Variants in ERC1 observed in about 807,000 individuals in gnomAD.
ERC1 encodes the protein RAB6 interacting protein 2.
ERC1 carries 56 observed loss-of-function variants against 132.0 expected under a neutral mutation model. The ratio of observed to expected loss-of-function variants is 0.42; its 90% confidence interval spans 0.34 to 0.53. The LOEUF (loss-of-function observed/expected upper bound fraction) is 0.53. ERC1 is among the 20% of genes least tolerant of loss of function. ERC1 has a pLI of 0.03. For synonymous variants in ERC1, 478 were observed against 476.1 expected, an observed-to-expected ratio of 1.00 and a Z score of -0.05; for missense variants, 1,202 against 1,349.9, an observed-to-expected ratio of 0.89 and a Z score of 1.72.
At position 1,141,640 on chromosome 12, in the gene ERC1, T is replaced by A. The variant is rs1949874774; in HGVS notation, c.1590T>A (p.Arg530=). The change falls in exon 8 of 19, where the codon CGT becomes CGA. Residue 530 remains arginine, a synonymous_variant. Coordinates refer to ENST00000360905, the MANE Select transcript of ERC1 (RefSeq NM_178040.4). ...CTTAGGTGGATGCTCTCCGATTGCG[T>A]TTGGAAGAGAAGGAAACCATGTTGA... ...LQTEVDALRL[R]LEEKETMLNK... is the part of the protein sequence containing the mutation. 9 of 1,611,144 alleles carry A rather than the reference T, an allele frequency of 5.6e-6. No individual in the cohort carries two copies. The highest frequency in any genetic ancestry group is 6.8e-6 in the Non-Finnish European group (8 of 1,178,524).
intron 18 of ERC1, among the ~76,000 whole-genome samples, chr12:1,480,246 A>G (rs1164840362): frequency 6.6e-6 from 1 of 152,170 alleles, no homozygotes. Context: ...ATGGGAGCAA[A>G]CTTGTTTTGC....
chr12:992,538 C>G (rs752161684), intron 1 of ERC1, among the ~76,000 whole-genome samples: 15 of 151,248 alleles, frequency 9.9e-5, no homozygotes, highest in Non-Finnish European at 2.1e-4. Context: ...AAATGGAACT[C>G]TTTTTTTTTG....
chr12:1,316,656 A>G (rs1310865387), intron 15 of ERC1, among the ~76,000 whole-genome samples: 1 of 152,190 alleles, frequency 6.6e-6, no homozygotes, highest in Non-Finnish European at 1.5e-5. Context: ...TAGTTCAACC[A>G]TTGTGGAAGA....
chr12:1,054,101 G>C (rs118080732), intron 2 of ERC1, among the ~76,000 whole-genome samples: 1 of 152,164 alleles, frequency 6.6e-6, no homozygotes, highest in Non-Finnish European at 1.5e-5. Flanking sequence ...TTTATAACTG[G>C]ATTTCCTATA....
At chr12:1,119,494 GTTACT>G (rs1467235236) in intron 7 of ERC1, among the ~76,000 whole-genome samples, 1 of 151,346 alleles carries the variant, frequency 6.6e-6, no homozygotes, top group East Asian at 1.9e-4. Flanking sequence ...CCTTAGAGGA[GTTACT>G]TTACTTCTTC....
At position 1,493,548 on chromosome 12, in the gene ERC1, A is replaced by ATATATATATATATATACATATAT. The variant is rs1555139791; in HGVS notation, c.*3318_*3319insTATATATATATATATACATATAT. 2.2e-4 allele frequency: 3 copies of ATATATATATATATATACATATAT among 13,618 alleles called. No individual in the cohort carries two copies. The highest frequency in any genetic ancestry group is 4.4e-4 in the Non-Finnish European group (3 of 6,820). The allele number at this position is 13,618 out of a possible 1,614,324, so 0.8% of individuals were successfully genotyped here. A position where few individuals can be genotyped will look rare whatever the true frequency, so the allele number is the denominator to read the frequency against. On this transcript the variant is annotated 3_prime_UTR_variant, in exon 19 of 19. Coordinates refer to ENST00000360905, the MANE Select transcript of ERC1 (RefSeq NM_178040.4). ...ACTCCATTTAAAAAAAAAAAAAAAA[A>ATATATATATATATATACATATAT]ATATATATATATATATATATATATA...
intron 2 of ERC1, among the ~76,000 whole-genome samples, chr12:1,063,314 G>A (rs1249467708): frequency 6.6e-6 from 1 of 151,598 alleles, no homozygotes; most frequent in African/African-American, 2.4e-5. Context: ...AGGCTGTAGT[G>A]TGGTGGCATG....
intron 15 of ERC1, among the ~76,000 whole-genome samples, chr12:1,346,960 A>AAAAAAAAAAAAAAG (rs1006260266): frequency 6.7e-5 from 10 of 149,744 alleles, no homozygotes; most frequent in Non-Finnish European, 7.4e-5. Flanking sequence ...AAAAAAAAAA[A>AAAAAAAAAAAAAAG]AGAGAGAGAT....
At chr12:1,269,983 A>T (rs2077719515) in intron 14 of ERC1, among the ~76,000 whole-genome samples, 3 of 152,202 alleles carry the variant, frequency 2.0e-5, no homozygotes, top group Admixed American at 2.0e-4. Flanking sequence ...TTTCAACAGA[A>T]TTGAAATAAA....
chr12:1,283,503 G>A (rs2078831521), intron 14 of ERC1, among the ~76,000 whole-genome samples: 1 of 152,134 alleles, frequency 6.6e-6, no homozygotes, highest in Non-Finnish European at 1.5e-5. Context: ...TGGAAACATA[G>A]CAGAAAATGA....
intron 15 of ERC1, among the ~76,000 whole-genome samples, chr12:1,310,071 C>T (rs2081187640): frequency 6.6e-6 from 1 of 151,828 alleles, no homozygotes; most frequent in South Asian, 2.1e-4. Context: ...CCTCAGACTC[C>T]TGAGTAGCTG....
At chr12:1,333,352 G>A (rs1002513074) in intron 15 of ERC1, among the ~76,000 whole-genome samples, 4 of 49,710 alleles carry the variant, frequency 8.0e-5, no homozygotes, top group Non-Finnish European at 1.2e-4. Flanking sequence ...TTTTTTTTTT[G>A]AGATGGAGTC....
At chr12:1,400,597 T>C (rs2090936955) in intron 16 of ERC1, among the ~76,000 whole-genome samples, 1 of 152,202 alleles carries the variant, frequency 6.6e-6, no homozygotes, top group African/African-American at 2.4e-5. Context: ...TATTCTTTTA[T>C]ATGTTCTGAG....
At chr12:1,050,317 G>A (rs1971728935) in intron 2 of ERC1, among the ~76,000 whole-genome samples, 1 of 152,238 alleles carries the variant, frequency 6.6e-6, no homozygotes, top group Non-Finnish European at 1.5e-5. Context: ...CAGGGAAGTG[G>A]TGGTAGCAAA....
chr12:1,348,791 G>A (rs577519941), intron 15 of ERC1, among the ~76,000 whole-genome samples: 6 of 152,198 alleles, frequency 3.9e-5, no homozygotes, highest in East Asian at 1.9e-4. Flanking sequence ...ACGGGTCACC[G>A]GAATGTAGGT....
At chr12:1,265,461 A>G (rs994851048) in intron 14 of ERC1, among the ~76,000 whole-genome samples, 1 of 152,242 alleles carries the variant, frequency 6.6e-6, no homozygotes, top group South Asian at 2.1e-4. Flanking sequence ...AATTGAGCAG[A>G]AAGTGCAAAG....
chr12:1,091,517 G>A (rs1007846691), intron 3 of ERC1, among the ~76,000 whole-genome samples: 1 of 152,168 alleles, frequency 6.6e-6, no homozygotes, highest in Non-Finnish European at 1.5e-5. Context: ...AATGAGATGC[G>A]AAATTGGAGA....
chr12:1,213,012 CT>C (rs1697488402), intron 12 of ERC1, among the ~76,000 whole-genome samples: 1 of 152,202 alleles, frequency 6.6e-6, no homozygotes, highest in Non-Finnish European at 1.5e-5. Flanking sequence ...ATCCCAGAGC[CT>C]ATTTTCTCCT....
chr12:1,313,363 T>G (rs1159341825), intron 15 of ERC1, among the ~76,000 whole-genome samples: 1 of 152,170 alleles, frequency 6.6e-6, no homozygotes, highest in African/African-American at 2.4e-5. Context: ...CACGTTTTAG[T>G]TGGGCAGTGA....
Sources: gnomAD v4.1 joint callset for allele counts (sites outside exome capture counted in the v4.1 genomes callset) on GRCh38, gnomAD v4.1.1 for gene constraint, MANE v1.5 for transcripts, NCBI Gene and HGNC (gene_info 2026-07-23, HGNC 2026-07-21) for gene names.